MYO5C: variants seen among roughly 807,000 people sequenced by gnomAD.
The protein encoded by MYO5C is unconventional myosin-Vc.
In MYO5C, 194 loss-of-function variants were observed where a neutral mutation model predicts 235.7. The observed-to-expected ratio is 0.82, with a 90% CI of 0.73 to 0.93. The LOEUF is 0.93. Among genes scored for constraint, MYO5C ranks in the 40% least tolerant of loss-of-function variants. The pLI is 0.00. For synonymous variants in MYO5C, 707 were observed against 754.8 expected (o/e 0.94, Z 1.04); for missense variants, 2,038 against 2,127.2 (o/e 0.96, Z 0.82).
At chr15:52,196,992 C>T (rs1394299938) in intron 38 of MYO5C, among the ~76,000 whole-genome samples, 1 of 152,132 alleles carries the variant, frequency 6.6e-6, no homozygotes, top group Admixed American at 6.5e-5. Context: ...GTTAATCGAC[C>T]TCTCTGGGCA....
intron 32 of MYO5C, among the ~76,000 whole-genome samples, chr15:52,217,388 G>A (rs530465157): frequency 6.6e-6 from 1 of 152,282 alleles, no homozygotes; most frequent in South Asian, 2.1e-4. Context: ...CAATGCACAG[G>A]GACAGTCAGA....
chr15:52,225,549 A>T lies in MYO5C; in HGVS notation c.3208-17T>A. ...AGAGATTGTCTGAATCACAGCAATGACGGAATCAGGTAAAGAAAAAACAAC... is the reference window on the plus strand; with the variant it reads ...AGAGATTGTCTGAATCACAGCAATGTCGGAATCAGGTAAAGAAAAAACAAC... On this transcript the variant is annotated splice_polypyrimidine_tract_variant and intron_variant, in intron 25 of 40. Coordinates refer to ENST00000261839, the MANE Select transcript of MYO5C (RefSeq NM_018728.4). The T allele has an allele frequency of 6.4e-7, 1 of 1,574,560 alleles. No individual in the cohort carries two copies.
chr15:52,293,499 A>G lies in MYO5C; in HGVS notation c.27+2111T>C, dbSNP rs188618557. 2.0e-5 allele frequency among the ~76,000 whole-genome samples: 3 copies of G among 152,160 alleles called. No homozygotes were observed. The East Asian group carries it at 5.8e-4, about 29-fold the overall frequency. On this transcript the variant is annotated intron_variant, in intron 1 of 40. Transcript: ENST00000261839. ...CCCCTCACCCCTTCAACCCCTGCAA[A>G]TACAGAACTTGCCTGATGACTTTCT... is the stretch of plus-strand genomic sequence containing the variant.
chr15:52,253,899 G>C (rs1220014879), intron 11 of MYO5C, among the ~76,000 whole-genome samples: 1 of 152,124 alleles, frequency 6.6e-6, no homozygotes, highest in Non-Finnish European at 1.5e-5. Flanking sequence ...CTACTCACTT[G>C]GGCTGTAAGG....
chr15:52,221,666 C>G (rs560794223), intron 29 of MYO5C, among the ~76,000 whole-genome samples: 1 of 152,218 alleles, frequency 6.6e-6, no homozygotes, highest in African/African-American at 2.4e-5. Context: ...ACATGCACTG[C>G]TCTGTTAGTG....
intron 5 of MYO5C, among the ~76,000 whole-genome samples, chr15:52,273,697 G>A (rs1011995929): frequency 7.9e-5 from 12 of 152,124 alleles, no homozygotes; most frequent in Non-Finnish European, 1.2e-4. Flanking sequence ...CCAGAATTGC[G>A]AGAAATAAAT....
At chr15:52,220,619 G>A (rs1371622055) in intron 30 of MYO5C, among the ~76,000 whole-genome samples, 1 of 150,972 alleles carries the variant, frequency 6.6e-6, no homozygotes, top group African/African-American at 2.4e-5. Flanking sequence ...AGGAGCTCAA[G>A]ACCAACCTGG....
At chr15:52,294,105 A>C (rs2037449567) in intron 1 of MYO5C, among the ~76,000 whole-genome samples, 1 of 152,232 alleles carries the variant, frequency 6.6e-6, no homozygotes, top group African/African-American at 2.4e-5. Context: ...GTTTTCTTAC[A>C]TTGTGCCTGG....
chr15:52,238,960 T>C (rs776315181), intron 21 of MYO5C, among the ~76,000 whole-genome samples: 27 of 150,102 alleles, frequency 1.8e-4, no homozygotes, highest in Admixed American at 3.3e-4. Context: ...TTTTCTTTTG[T>C]TTTTTTCTGA....
chr15:52,205,737 C>T (rs2035297435), intron 37 of MYO5C, 79 bp downstream of exon 37: 1 of 857,914 alleles, frequency 1.2e-6, no homozygotes, highest in Non-Finnish European at 1.8e-6. Flanking sequence ...CATAATCACA[C>T]ATTACACATA....
intron 3 of MYO5C, 116 bp from the exon 4 acceptor site, chr15:52,279,133 G>A: frequency 3.6e-6 from 4 of 1,116,682 alleles, no homozygotes; most frequent in South Asian, 3.2e-5. Flanking sequence ...TGTGACTTTG[G>A]GCAAGTCACT....
rs1464518760 is a variant in MYO5C, at chr15:52,260,930, C to T, written c.1245G>A (p.Glu415=). ...AAAACTGCAACGCTTGGTTAATTCT[C>T]TCCACAATGAAGTCGAACAGGTGAG... is the stretch of plus-strand genomic sequence containing the variant. ...IYAHLFDFIV[E]RINQALQFSG... Residue 415 remains glutamate, a synonymous_variant, in exon 10 of 41, where the codon GAG becomes GAA. Coordinates refer to ENST00000261839, the MANE Select transcript of MYO5C (RefSeq NM_018728.4). The T allele has an allele frequency of 6.2e-7, 1 of 1,614,224 alleles. No homozygotes were observed. The highest frequency in any genetic ancestry group is 8.5e-7 in the Non-Finnish European group (1 of 1,180,046).
At chr15:52,281,754 G>A (rs753228094) in intron 2 of MYO5C, among the ~76,000 whole-genome samples, 7 of 152,206 alleles carry the variant, frequency 4.6e-5, no homozygotes, top group East Asian at 1.9e-4. Flanking sequence ...GTCTTTAACC[G>A]CTGTGTTCAT....
chr15:52,214,618 T>G lies in MYO5C; in HGVS notation c.4027A>C (p.Lys1343Gln), dbSNP rs770208064. 3.7e-6 allele frequency: 6 copies of G among 1,605,224 alleles called. No homozygotes were observed. The highest frequency in any genetic ancestry group is 5.1e-6 in the Non-Finnish European group (6 of 1,175,750). ...KLQDQVKTLS[K>Q]TIGKANDVHS... The stretch of plus-strand genomic sequence containing the variant: ...TGTTTCTTACCTTTTCCAATTGTCT[T>G]GCTTAGTGTCTTGACTTGATCTTGT... Residue 1343 changes from lysine (K) to glutamine (Q), a missense_variant, in exon 33 of 41, where the codon AAG becomes CAG. By Grantham distance (53) the Lys-to-Gln change is moderately conservative. Coordinates refer to ENST00000261839, the MANE Select transcript of MYO5C (RefSeq NM_018728.4).
At chr15:52,229,453 G>A (rs1476338083) in intron 24 of MYO5C, 140 bp from the exon 25 acceptor site, 34 of 720,040 alleles carry the variant, frequency 4.7e-5, no homozygotes, top group Non-Finnish European at 6.4e-5. Context: ...GAGAGACCCC[G>A]TCCCCACTAA....
At chr15:52,253,788 C>T (rs1433391509) in intron 11 of MYO5C, among the ~76,000 whole-genome samples, 1 of 152,254 alleles carries the variant, frequency 6.6e-6, no homozygotes, top group Non-Finnish European at 1.5e-5. Context: ...ACAGATCCAG[C>T]CTCTTTGGCC....
At position 52,247,454 on chromosome 15, in the gene MYO5C, G is replaced by C. The variant is rs2036374804; in HGVS notation, c.1881+4C>G. The C allele has an allele frequency of 2.5e-6, 4 of 1,614,022 alleles. No homozygotes were observed. The highest frequency in any genetic ancestry group is 3.4e-6 in the Non-Finnish European group (4 of 1,179,958). On this transcript the variant is annotated splice_donor_region_variant and intron_variant, in intron 15 of 40. Transcript: ENST00000261839. The stretch of plus-strand genomic sequence containing the variant: ...CCCCTCACTCTCAAACACCTTCTCA[G>C]TACCTTGCTCCCAACTGTGGTCCGG...
At chr15:52,284,287 G>A (rs1211302112) in intron 1 of MYO5C, among the ~76,000 whole-genome samples, 1 of 151,812 alleles carries the variant, frequency 6.6e-6, no homozygotes, top group East Asian at 1.9e-4. Flanking sequence ...ACTGATGTAA[G>A]CAAAAGCATG....
intron 4 of MYO5C, chr15:52,277,005 A>G: frequency 2.3e-6 from 1 of 436,434 alleles, no homozygotes; most frequent in Non-Finnish European, 4.7e-6. Context: ...GACTTGACCC[A>G]GAGCACAGAG....
Sources: allele counts gnomAD v4.1 joint callset (sites outside exome capture counted in the v4.1 genomes callset), GRCh38; gene constraint gnomAD v4.1.1; transcripts MANE v1.5; gene names NCBI Gene and HGNC (gene_info 2026-07-23, HGNC 2026-07-21).